The following PDCD6 variants were observed in gnomAD, a reference collection of about 807,000 sequenced individuals.
The protein encoded by PDCD6 is programmed cell death 6, also known as programmed cell death protein 6.
A neutral mutation model predicts 28.3 loss-of-function variants in PDCD6; 12 were observed. The ratio of observed to expected loss-of-function variants is 0.42; its 90% CI spans 0.27 to 0.69. The LOEUF is 0.69. PDCD6 is among the 30% of genes least tolerant of loss of function. The probability of loss-of-function intolerance (pLI) is 0.22; values close to 1 mark genes in which losing one functional copy is unlikely to be tolerated. For missense variants in PDCD6, 226 were observed against 269.9 expected, an observed-to-expected ratio of 0.84 and a Z score of 1.14; for synonymous variants, 92 against 108.0, an observed-to-expected ratio of 0.85 and a Z score of 0.92.
chr5:289,236 C>G (rs1341198755), intron 2 of PDCD6: 2 of 612,732 alleles, frequency 3.3e-6, no homozygotes, highest in East Asian at 3.0e-5. Context: ...TTCTGATGTT[C>G]TATAATTCAA....
At chr5:289,233 G>A in intron 2 of PDCD6, 1 of 621,282 alleles carries the variant, frequency 1.6e-6, no homozygotes, top group South Asian at 2.3e-5. Flanking sequence ...GAATTCTGAT[G>A]TTCTATAATT....
intron 2 of PDCD6, among the ~76,000 whole-genome samples, chr5:274,894 T>G (rs372349969): frequency 2.6e-5 from 4 of 152,304 alleles, no homozygotes; most frequent in East Asian, 3.9e-4. Context: ...ACTAAATATC[T>G]ACCAGGAGAC....
chr5:286,943 G>C (rs1387983746), intron 2 of PDCD6, among the ~76,000 whole-genome samples: 1 of 151,928 alleles, frequency 6.6e-6, no homozygotes, highest in Admixed American at 6.6e-5. Flanking sequence ...GAGGGTTGTG[G>C]ATCTGGAGAT....
intron 2 of PDCD6, among the ~76,000 whole-genome samples, chr5:303,614 G>A (rs1740273324): frequency 6.6e-6 from 1 of 151,744 alleles, no homozygotes; most frequent in Non-Finnish European, 1.5e-5. Flanking sequence ...TTTGAAGTGT[G>A]GTGTGATGGA....
rs7723693 is a variant in PDCD6 at position 305,917 on chromosome 5, G to A, written c.209-685G>A. The stretch of plus-strand genomic sequence containing the variant: ...CCAGGAGTAGTCTTATTGCAGTCCT[G>A]TATTAACCTCTGTTCTTGAAAAGAG... On this transcript the variant is annotated intron_variant, in intron 3 of 5. Coordinates refer to ENST00000264933, the MANE Select transcript of PDCD6 (RefSeq NM_013232.4). The surrounding 1 kb of genome is among the most constrained non-coding windows in gnomAD (Gnocchi z 4.0). 0.16 allele frequency: 24,306 copies of A among 152,928 alleles called. 4,148 individuals are homozygous for A. Among genetic ancestry groups the A allele is most frequent in the African/African-American group, 0.43 (17,985 of 41,422 alleles). 9.5% of individuals were successfully genotyped at this position (152,928 alleles called of 1,614,324 possible). A position where few individuals can be genotyped will look rare whatever the true frequency, so the allele number is the denominator to read the frequency against.
intron 2 of PDCD6, among the ~76,000 whole-genome samples, chr5:277,468 A>AT (rs1346291253): frequency 1.3e-5 from 2 of 151,414 alleles, no homozygotes; most frequent in Non-Finnish European, 2.9e-5. Flanking sequence ...TGCCTGGCTA[A>AT]TTTTTTGTCT....
At chr5:313,411 C>G (rs553617642) in intron 5 of PDCD6, among the ~76,000 whole-genome samples, 92 of 152,208 alleles carry the variant, frequency 6.0e-4, no homozygotes, top group African/African-American at 2.2e-3. Context: ...TGGGTGAGGC[C>G]GTAGCCTCTG....
At chr5:271,850 C>T in intron 1 of PDCD6, 29 bp downstream of exon 1, 1 of 1,251,938 alleles carries the variant, frequency 8.0e-7, no homozygotes, top group South Asian at 1.8e-5. Flanking sequence ...CGGGCACCTC[C>T]CGCCTCCGCC....
chr5:290,073 C>T, intron 2 of PDCD6: 2 of 1,582,044 alleles, frequency 1.3e-6, no homozygotes, highest in South Asian at 1.1e-5. Context: ...GTATTCTTTC[C>T]TTCATTTCAT....
chr5:295,581 G>A (rs1336543962), intron 2 of PDCD6, among the ~76,000 whole-genome samples: 2 of 147,750 alleles, frequency 1.4e-5, no homozygotes, highest in Non-Finnish European at 3.0e-5. Flanking sequence ...CTTCAAGGGG[G>A]CATGGGCCGG....
intron 2 of PDCD6, among the ~76,000 whole-genome samples, chr5:283,427 T>C (rs1738717466): frequency 6.6e-6 from 1 of 151,948 alleles, no homozygotes; most frequent in African/African-American, 2.4e-5. Context: ...GCTGATGTTC[T>C]AGTTTGAGGA....
intron 2 of PDCD6, among the ~76,000 whole-genome samples, chr5:278,809 A>G (rs430404): frequency 8.8e-5 from 5 of 56,526 alleles, no homozygotes; most frequent in Admixed American, 2.2e-4. Flanking sequence ...CTGGGGATGC[A>G]GGGGAGGGTG....
At position 286,288 on chromosome 5, in the gene PDCD6, G is replaced by A. The variant is rs57458169; in HGVS notation, c.163+13516G>A. ...TGTGCAGCTGGAGACCCAGCGGGGAGCTGATGTTGCAGTTTGAGGGCCATG... is the reference window on the plus strand; with the variant it reads ...TGTGCAGCTGGAGACCCAGCGGGGAACTGATGTTGCAGTTTGAGGGCCATG... On this transcript the variant is annotated intron_variant, in intron 2 of 5. Transcript: ENST00000264933. Among the ~76,000 whole-genome samples, 260 of 152,060 alleles carry A rather than the reference G, an allele frequency of 1.7e-3. 3 individuals carry two copies. In the East Asian group the frequency reaches 0.02, roughly 12 times the overall value.
intron 2 of PDCD6, chr5:276,160 T>C (rs1738185314): frequency 1.1e-6 from 1 of 950,096 alleles, no homozygotes; most frequent in Non-Finnish European, 1.4e-6. Flanking sequence ...GCCTGGGAGG[T>C]TGAGGCTGCA....
intron 5 of PDCD6, chr5:312,482 C>T (rs1019133375): frequency 6.6e-6 from 1 of 152,218 alleles, no homozygotes; most frequent in African/African-American, 2.4e-5. Flanking sequence ...TGAGTTTCCT[C>T]TGATTTGGCA....
intron 4 of PDCD6, 109 bp downstream of exon 4, chr5:306,869 A>G: frequency 1.7e-6 from 2 of 1,155,284 alleles, no homozygotes; most frequent in Non-Finnish European, 2.6e-6. Flanking sequence ...CAGGCTACGT[A>G]AAGTTTTTGT....
At chr5:302,421 CACCTGCCTT>C (rs1214393969) in intron 2 of PDCD6, among the ~76,000 whole-genome samples, 3 of 104,356 alleles carry the variant, frequency 2.9e-5, no homozygotes, top group African/African-American at 2.1e-4. Flanking sequence ...GGTTCAGGTG[CACCTGCCTT>C]TGTGGGGAGA....
chr5:278,851 G>T (rs529688397), intron 2 of PDCD6, among the ~76,000 whole-genome samples: 59 of 149,992 alleles, frequency 3.9e-4, no homozygotes, highest in Admixed American at 2.0e-3. Flanking sequence ...GGGGATGCGG[G>T]GGAGGGTGCT....
chr5:296,825 G>C (rs1043435464), intron 2 of PDCD6, among the ~76,000 whole-genome samples: 1 of 152,010 alleles, frequency 6.6e-6, no homozygotes, highest in African/African-American at 2.4e-5. Flanking sequence ...TGTTTTCATC[G>C]ACAGTCTTCT....
Sources: allele counts gnomAD v4.1 joint callset (sites outside exome capture counted in the v4.1 genomes callset), GRCh38; gene constraint gnomAD v4.1.1; non-coding constraint Gnocchi (gnomAD v3.1); transcripts MANE v1.5; gene names NCBI Gene and HGNC (gene_info 2026-07-23, HGNC 2026-07-21).